Variants in DMD observed in about 807,000 individuals in gnomAD.
The protein encoded by DMD is dystrophin.
In DMD, 63 loss-of-function variants were observed where a neutral mutation model predicts 330.1. That is an observed-to-expected ratio of 0.19 (90% confidence interval 0.16 to 0.24). The LOEUF is 0.24. Ranked by LOEUF, DMD falls within the 10% of genes least tolerant of loss-of-function variation. The pLI is 1.00. For missense variants in DMD, 3,344 were observed against 2,684.1 expected (o/e 1.25, Z -5.43); for synonymous variants, 1,223 against 959.8 (o/e 1.27, Z -5.07).
At chrX:32,301,836 GA>G (rs2097524779) in intron 42 of DMD, among the ~76,000 whole-genome samples, 1 of 110,647 alleles carries the variant, frequency 9.0e-6, no homozygotes, top group African/African-American at 3.3e-5. Flanking sequence ...ACTAGAAATG[GA>G]AAAAATAAAT....
intron 7 of DMD, among the ~76,000 whole-genome samples, chrX:32,788,678 C>T (rs1275738482): frequency 1.8e-5 from 2 of 111,147 alleles, no homozygotes; most frequent in African/African-American, 6.6e-5. Flanking sequence ...CAAAACTAAC[C>T]CTGGATAAAT....
chrX:32,235,897 G>C (rs1192658355), intron 43 of DMD, among the ~76,000 whole-genome samples: 1 of 110,704 alleles, frequency 9.0e-6, no homozygotes, highest in African/African-American at 3.3e-5. Flanking sequence ...GAATTTCCAA[G>C]TTACAAAATG....
intron 41 of DMD, among the ~76,000 whole-genome samples, chrX:32,314,746 G>A (rs759359581): frequency 1.1e-4 from 12 of 111,303 alleles, no homozygotes; most frequent in Non-Finnish European, 1.9e-4. Flanking sequence ...CAGACACTTC[G>A]CAAAAGAAGA....
chrX:32,172,661 C>G (rs2096891857), intron 44 of DMD, among the ~76,000 whole-genome samples: 1 of 111,727 alleles, frequency 9.0e-6, no homozygotes, highest in African/African-American at 3.3e-5. Context: ...GACTTATACT[C>G]TATAGTGTTC....
intron 9 of DMD, among the ~76,000 whole-genome samples, chrX:32,674,891 C>A (rs2061869169): frequency 9.0e-6 from 1 of 111,097 alleles, no homozygotes; most frequent in Non-Finnish European, 1.9e-5. Flanking sequence ...ACTTAGCCAA[C>A]AAATTCTCTT....
At chrX:32,535,065 T>C (rs2047829567) in intron 17 of DMD, among the ~76,000 whole-genome samples, 1 of 111,626 alleles carries the variant, frequency 9.0e-6, no homozygotes, top group Non-Finnish European at 1.9e-5. Flanking sequence ...AAAGGAGACA[T>C]TGTTTTTTAA....
At chrX:33,048,109 T>C (rs964366857) in intron 1 of DMD, among the ~76,000 whole-genome samples, 2 of 112,302 alleles carry the variant, frequency 1.8e-5, no homozygotes, top group African/African-American at 6.5e-5. Context: ...TTAAGAAACA[T>C]AGAATTCTTT....
chrX:32,838,000 T>C (rs951062697), intron 4 of DMD, among the ~76,000 whole-genome samples: 3 of 112,113 alleles, frequency 2.7e-5, no homozygotes, highest in African/African-American at 9.7e-5. Flanking sequence ...TGCTTTAGTG[T>C]TGAGATACAG....
chrX:33,323,604 A>T (rs931115015), intron 1 of DMD, among the ~76,000 whole-genome samples: 14 of 111,539 alleles, frequency 1.3e-4, no homozygotes, highest in South Asian at 7.4e-4. Flanking sequence ...TGAGATTTTT[A>T]AAAAAATGTG....
At chrX:32,134,639 T>A (rs1462518674) in intron 44 of DMD, among the ~76,000 whole-genome samples, 1 of 111,638 alleles carries the variant, frequency 9.0e-6, no homozygotes, top group Non-Finnish European at 1.9e-5. Context: ...TTTAAAGAGT[T>A]GCTGAATGAT....
chrX:31,962,132 C>G (rs1375469892), intron 45 of DMD, among the ~76,000 whole-genome samples: 1 of 110,970 alleles, frequency 9.0e-6, no homozygotes, highest in Non-Finnish European at 1.9e-5. Flanking sequence ...CTTCGTTGCC[C>G]TCCTGTAAAA....
intron 43 of DMD, among the ~76,000 whole-genome samples, chrX:32,284,583 A>G (rs2097432473): frequency 8.9e-6 from 1 of 111,790 alleles, no homozygotes; most frequent in African/African-American, 3.3e-5. Context: ...AGCTCCCCAC[A>G]TATATTGTGT....
chrX:32,360,450 C>G (rs183781689), intron 37 of DMD, among the ~76,000 whole-genome samples: 1 of 111,477 alleles, frequency 9.0e-6, no homozygotes, highest in East Asian at 2.8e-4. Flanking sequence ...AAAACAAATA[C>G]TTTGAAAAGC....
At chrX:32,749,794 A>T (rs1412292867) in intron 7 of DMD, among the ~76,000 whole-genome samples, 2 of 112,491 alleles carry the variant, frequency 1.8e-5, no homozygotes, top group Non-Finnish European at 3.8e-5. Flanking sequence ...AAACAACAAA[A>T]AAATGACACA....
intron 33 of DMD, among the ~76,000 whole-genome samples, chrX:32,384,461 C>T (rs1024210421): frequency 9.0e-6 from 1 of 110,770 alleles, no homozygotes; most frequent in African/African-American, 3.3e-5. Flanking sequence ...AATTGAGTAT[C>T]AGTGTTTCTT....
chrX:32,907,586 T>A (rs2086831097), intron 2 of DMD, among the ~76,000 whole-genome samples: 1 of 111,646 alleles, frequency 9.0e-6, no homozygotes, highest in Admixed American at 9.5e-5. Flanking sequence ...TGGTAAAGCT[T>A]TGTATTTCAT....
intron 4 of DMD, among the ~76,000 whole-genome samples, chrX:32,842,444 T>G (rs1297179887): frequency 8.9e-6 from 1 of 111,839 alleles, no homozygotes; most frequent in African/African-American, 3.3e-5. Flanking sequence ...GGGTGGAGAT[T>G]TTAGATGCCA....
At chrX:31,206,337 C>T (rs778585753) in intron 66 of DMD, among the ~76,000 whole-genome samples, 1 of 112,424 alleles carries the variant, frequency 8.9e-6, no homozygotes, top group East Asian at 2.8e-4. Context: ...TATTCAGACA[C>T]AGTCAATGTA....
At chrX:32,176,584 G>C (rs1376729565) in intron 44 of DMD, among the ~76,000 whole-genome samples, 1 of 111,441 alleles carries the variant, frequency 9.0e-6, no homozygotes, top group East Asian at 2.8e-4. Flanking sequence ...CAGTAAAGTG[G>C]GGACGGTGGA....
Sources: allele counts gnomAD v4.1 joint callset (sites outside exome capture counted in the v4.1 genomes callset), GRCh38; gene constraint gnomAD v4.1.1; transcripts MANE v1.5; gene names NCBI Gene and HGNC (gene_info 2026-07-23, HGNC 2026-07-21).